ACSL3: variants seen among roughly 807,000 people sequenced by gnomAD.
The protein encoded by ACSL3 is acyl-CoA synthetase long chain family member 3.
Under a neutral mutation model 84.7 loss-of-function variants are expected in ACSL3, and 34 were observed. The observed-to-expected ratio is 0.40, with a 90% CI of 0.31 to 0.53. ACSL3 has a LOEUF of 0.53. ACSL3 is among the 20% of genes least tolerant of loss of function. The pLI, the probability that ACSL3 is intolerant of heterozygous loss-of-function variation, is 0.48. For synonymous variants in ACSL3, 315 were observed against 299.4 expected (o/e 1.05, Z -0.54); for missense variants, 680 against 873.1 (o/e 0.78, Z 2.79).
chr2:222,877,469 T>C (rs996840167), intron 1 of ACSL3, among the ~76,000 whole-genome samples: 1 of 152,226 alleles, frequency 6.6e-6, no homozygotes, highest in African/African-American at 2.4e-5. Flanking sequence ...CATAGCACAT[T>C]CGTAGATTTA....
intron 2 of ACSL3, among the ~76,000 whole-genome samples, chr2:222,888,447 T>C (rs1368357495): frequency 6.6e-6 from 1 of 152,188 alleles, no homozygotes; most frequent in Non-Finnish European, 1.5e-5. Context: ...ATGAAAAAAT[T>C]GAGTAGGACT....
chr2:222,898,858 C>G (rs1486955589), intron 2 of ACSL3, among the ~76,000 whole-genome samples: 2 of 151,732 alleles, frequency 1.3e-5, no homozygotes, highest in South Asian at 2.1e-4. Context: ...GAAAACAAAA[C>G]AAAAAAAGAA....
chr2:222,878,667 T>C (rs1033411453), intron 1 of ACSL3, among the ~76,000 whole-genome samples: 3 of 152,180 alleles, frequency 2.0e-5, no homozygotes, highest in African/African-American at 7.2e-5. Flanking sequence ...AGCCCTGTAT[T>C]TCTAACAATA....
chr2:222,941,117 A>G (rs1279395341), intron 16 of ACSL3, among the ~76,000 whole-genome samples: 1 of 152,088 alleles, frequency 6.6e-6, no homozygotes, highest in African/African-American at 2.4e-5. Context: ...TATTTTAGAG[A>G]CAAGGTCTCG....
Position 222,891,811 on chromosome 2 carries a change from A to G in ACSL3, c.-148+3923A>G, listed in dbSNP as rs59288149. Among the ~76,000 whole-genome samples the G allele has an allele frequency of 1.4e-4, 21 of 152,166 alleles. 1 individual carries two copies. Among genetic ancestry groups the G allele is most frequent in the Admixed American group, 1.3e-4 (2 of 15,276 alleles). On this transcript the variant is annotated intron_variant, in intron 2 of 16. Coordinates refer to ENST00000357430, the MANE Select transcript of ACSL3 (RefSeq NM_004457.5). ...TCCAATGTTTATCTTTAATGCCAAC[A>G]TTTCATTTTCTGAGGTTAAAATAAA...
At chr2:222,940,602 C>A (rs1697277120) in intron 16 of ACSL3, among the ~76,000 whole-genome samples, 1 of 151,760 alleles carries the variant, frequency 6.6e-6, no homozygotes, top group South Asian at 2.1e-4. Flanking sequence ...TTTTTACTGC[C>A]TTTTCTATGT....
At chr2:222,869,912 A>C (rs1695254868) in intron 1 of ACSL3, among the ~76,000 whole-genome samples, 1 of 152,212 alleles carries the variant, frequency 6.6e-6, no homozygotes, top group African/African-American at 2.4e-5. Flanking sequence ...AAACTCTGAA[A>C]GTAGTTGTTG....
chr2:222,927,146 A>G lies in ACSL3; in HGVS notation c.1422A>G (p.Gly474=). The G allele has an allele frequency of 6.2e-7, 1 of 1,614,118 alleles. No homozygotes were observed. The highest frequency in any genetic ancestry group is 8.5e-7 in the Non-Finnish European group (1 of 1,179,980). The change falls in exon 12 of 17, where the codon GGA becomes GGG. Residue 474 remains glycine, a synonymous_variant. Coordinates refer to ENST00000357430, the MANE Select transcript of ACSL3 (RefSeq NM_004457.5). The part of the protein sequence containing the change: ...NICFCCPVGQ[G]YGLTESAGAG... Reference sequence around the variant, plus strand: ...GTTTCTGCTGTCCTGTTGGTCAGGGATACGGGCTCACTGAATCTGCTGGGG... The same window carrying G: ...GTTTCTGCTGTCCTGTTGGTCAGGGGTACGGGCTCACTGAATCTGCTGGGG...
At chr2:222,865,506 TAAG>T (rs1168117837) in intron 1 of ACSL3, among the ~76,000 whole-genome samples, 1 of 152,220 alleles carries the variant, frequency 6.6e-6, no homozygotes, top group Non-Finnish European at 1.5e-5. Flanking sequence ...TTCCTGCTCT[TAAG>T]GAGCTCACAG....
At chr2:222,915,328 G>A (rs892386318) in intron 4 of ACSL3, among the ~76,000 whole-genome samples, 1 of 152,174 alleles carries the variant, frequency 6.6e-6, no homozygotes, top group African/African-American at 2.4e-5. Flanking sequence ...TCTTAAATGC[G>A]TAATTGCATG....
intron 1 of ACSL3, among the ~76,000 whole-genome samples, chr2:222,868,935 A>G (rs1574513382): frequency 6.6e-6 from 1 of 150,742 alleles, no homozygotes; most frequent in African/African-American, 2.4e-5. Context: ...ATGCCATTGC[A>G]CTCCAGCCTG....
In ACSL3 at chr2:222,943,094, A is replaced by AACAAC. The variant is rs1697364196; in HGVS notation, c.*1441_*1442insCAACA. 1.0e-5 allele frequency: 1 copy of AACAAC among 97,404 alleles called. No individual in the cohort carries two copies. The highest frequency in any genetic ancestry group is 1.7e-5 in the Non-Finnish European group (1 of 59,238). The allele number at this position is 97,404 out of a possible 1,614,324, so 6.0% of individuals were successfully genotyped here. ...ATCAAAAGGCAAAAATCAAAAAAAA[A>AACAAC]AAAAACAAAAACAAAAAAAAAGATG... On this transcript the variant is annotated 3_prime_UTR_variant, in exon 17 of 17. Coordinates refer to ENST00000357430, the MANE Select transcript of ACSL3 (RefSeq NM_004457.5).
intron 3 of ACSL3, among the ~76,000 whole-genome samples, chr2:222,902,664 G>A (rs1044402114): frequency 1.3e-5 from 2 of 152,146 alleles, no homozygotes; most frequent in Admixed American, 1.3e-4. Flanking sequence ...TGAGGAGGGC[G>A]GAATTTATTA....
At chr2:222,875,675 T>A (rs1002457298) in intron 1 of ACSL3, among the ~76,000 whole-genome samples, 6 of 152,192 alleles carry the variant, frequency 3.9e-5, no homozygotes, top group African/African-American at 1.4e-4. Flanking sequence ...GCAGAAATGA[T>A]CACATCTATG....
chr2:222,870,750 C>T (rs907708154), intron 1 of ACSL3, among the ~76,000 whole-genome samples: 1 of 152,100 alleles, frequency 6.6e-6, no homozygotes, highest in South Asian at 2.1e-4. Flanking sequence ...TTGTAGTGTG[C>T]GAAGTAGAGA....
chr2:222,873,735 T>G (rs1227902017), intron 1 of ACSL3, among the ~76,000 whole-genome samples: 1 of 152,234 alleles, frequency 6.6e-6, no homozygotes, highest in Non-Finnish European at 1.5e-5. Context: ...TTTTAGTGGT[T>G]GTATAATAAT....
chr2:222,944,089 A>C lies in ACSL3; in HGVS notation c.*2435A>C, dbSNP rs1346885143. Reference sequence around the variant, plus strand: ...CTGCTCCTCCACTGACATCCTTCTTAGCAGAAACTTCATGAAAAAGTTTTT... The same window carrying C: ...CTGCTCCTCCACTGACATCCTTCTTCGCAGAAACTTCATGAAAAAGTTTTT... On this transcript the variant is annotated 3_prime_UTR_variant, in exon 17 of 17. Transcript: ENST00000357430. 6.6e-6 allele frequency: 1 copy of C among 152,158 alleles called. No individual in the cohort carries two copies. Among genetic ancestry groups the C allele is most frequent in the African/African-American group, 2.4e-5 (1 of 41,436 alleles). The allele number at this position is 152,158 out of a possible 1,614,324, so 9.4% of individuals were successfully genotyped here.
In ACSL3 at chr2:222,928,322, A is replaced by G. The variant is rs564515281; in HGVS notation, c.1466-540A>G. Among the ~76,000 whole-genome samples, 10 of 152,354 alleles carry G rather than the reference A, an allele frequency of 6.6e-5. No individual in the cohort carries two copies. In the South Asian group the frequency reaches 2.1e-3, roughly 32 times the overall value. On this transcript the variant is annotated intron_variant, in intron 12 of 16. Coordinates refer to ENST00000357430, the MANE Select transcript of ACSL3 (RefSeq NM_004457.5). ...TCACTTTGAAATGGTGATACATTAC[A>G]TGGGAAAAGATTAGAGAGGTGTTTT...
At chr2:222,925,681 C>A (rs948467783) in intron 11 of ACSL3, among the ~76,000 whole-genome samples, 1 of 152,168 alleles carries the variant, frequency 6.6e-6, no homozygotes, top group Non-Finnish European at 1.5e-5. Context: ...TGTGTTTTCA[C>A]TTAAGATTTT....
Sources: allele counts gnomAD v4.1 joint callset (sites outside exome capture counted in the v4.1 genomes callset), GRCh38; gene constraint gnomAD v4.1.1; transcripts MANE v1.5; gene names NCBI Gene and HGNC (gene_info 2026-07-23, HGNC 2026-07-21).